The following PHACTR2 variants were observed in gnomAD, a reference collection of about 807,000 sequenced individuals.
PHACTR2 encodes the protein chromosome 6 open reading frame 56.
A neutral mutation model predicts 76.0 loss-of-function variants in PHACTR2; 30 were observed. The ratio of observed to expected loss-of-function variants is 0.39; its 90% CI spans 0.30 to 0.54. PHACTR2 has a LOEUF of 0.54. Ranked by LOEUF, PHACTR2 falls within the 20% of genes least tolerant of loss-of-function variation. The pLI, the probability that PHACTR2 is intolerant of heterozygous loss-of-function variation, is 0.61. For synonymous variants in PHACTR2, 292 were observed against 292.5 expected, an observed-to-expected ratio of 1.00 and a Z score of 0.02; for missense variants, 696 against 781.1, an observed-to-expected ratio of 0.89 and a Z score of 1.30.
At chr6:143,770,971 T>TAG (rs1775087176) in intron 6 of PHACTR2, among the ~76,000 whole-genome samples, 1 of 144,714 alleles carries the variant, frequency 6.9e-6, no homozygotes, top group Non-Finnish European at 1.5e-5. Context: ...TCACCCAGGC[T>TAG]AGAGTCATAT....
chr6:143,705,970 C>T (rs1562276700), intron 1 of PHACTR2, among the ~76,000 whole-genome samples: 1 of 152,244 alleles, frequency 6.6e-6, no homozygotes, highest in Non-Finnish European at 1.5e-5. Context: ...CTTACCTCTT[C>T]TCCCACATTC....
chr6:143,607,565 C>T (rs556590699), upstream of PHACTR2, among the ~76,000 whole-genome samples: 1 of 145,858 alleles, frequency 6.9e-6, no homozygotes, highest in East Asian at 1.9e-4. Context: ...TAGTGACATT[C>T]GGTGAAAATA....
At chr6:143,552,214 A>G (rs1452103968) in intron 1 of PHACTR2, among the ~76,000 whole-genome samples, 2 of 152,164 alleles carry the variant, frequency 1.3e-5, no homozygotes, top group African/African-American at 4.8e-5. Flanking sequence ...TTAGAAGTCT[A>G]GGGAAGAAAG....
At chr6:143,638,595 A>G (rs1243698619) in intron 1 of PHACTR2, among the ~76,000 whole-genome samples, 1 of 150,836 alleles carries the variant, frequency 6.6e-6, no homozygotes, top group East Asian at 1.9e-4. Flanking sequence ...ACACACACAC[A>G]CACACCCAGC....
chr6:143,673,962 T>C (rs964643402), upstream of PHACTR2, among the ~76,000 whole-genome samples: 14 of 152,210 alleles, frequency 9.2e-5, no homozygotes, highest in African/African-American at 3.1e-4. Flanking sequence ...GTTTGTTTCC[T>C]GTTCTAATAC....
intron 1 of PHACTR2, among the ~76,000 whole-genome samples, chr6:143,559,719 T>TGGG (rs1775238311): frequency 1.5e-5 from 1 of 67,228 alleles, no homozygotes; most frequent in Non-Finnish European, 3.6e-5. Context: ...TTTTTTTTTT[T>TGGG]TTTTTTTGGA....
rs1309598087 is a variant in PHACTR2, at chr6:143,775,972, A to C, written c.1590-1356A>C. 6.6e-6 allele frequency among the ~76,000 whole-genome samples: 1 copy of C among 152,160 alleles called. No homozygotes were observed. Among genetic ancestry groups the C allele is most frequent in the African/African-American group, 2.4e-5 (1 of 41,430 alleles). The stretch of plus-strand genomic sequence containing the variant: ...ATGGCGAAATACCGTTTCTACTAAA[A>C]ATACAAATATTAGCCAGCTATGATG... On this transcript the variant is annotated intron_variant, in intron 8 of 12. Coordinates refer to ENST00000440869, the MANE Select transcript of PHACTR2 (RefSeq NM_001100164.2). This position sits in a 1 kb window ranked among gnomAD's most constrained non-coding sequence, Gnocchi z 4.4.
Position 143,738,407 on chromosome 6 carries a change from A to C in PHACTR2, c.215-10578A>C, listed in dbSNP as rs1778867571. 6.6e-6 allele frequency among the ~76,000 whole-genome samples: 1 copy of C among 152,056 alleles called. No homozygotes were observed. Among genetic ancestry groups the C allele is most frequent in the Admixed American group, 6.6e-5 (1 of 15,260 alleles). ...TTTTCATGACCCCCCTGAAAAGATC[A>C]ACCTAAAATATAAAGAATTTCAGCC... On this transcript the variant is annotated intron_variant, in intron 2 of 12. Transcript: ENST00000440869. The surrounding 1 kb of genome is among the most constrained non-coding windows in gnomAD (Gnocchi z 4.0).
intron 2 of PHACTR2, among the ~76,000 whole-genome samples, chr6:143,747,972 C>T (rs1779103784): frequency 6.6e-6 from 1 of 152,170 alleles, no homozygotes. Context: ...AGCCCCATTC[C>T]AAAGTTCTAC....
Position 143,654,720 on chromosome 6 carries a change from C to T in PHACTR2, c.13+46398C>T, listed in dbSNP as rs1447592016. Among the ~76,000 whole-genome samples, 2 of 152,148 alleles carry T rather than the reference C, an allele frequency of 1.3e-5. No homozygotes were observed. Among genetic ancestry groups the T allele is most frequent in the African/African-American group, 4.8e-5 (2 of 41,420 alleles). Reference sequence around the variant, plus strand: ...TTGGGAGGCTGAGGTTGGAGGACTGCTTAAGCCCAGGAGTTCAAGGCTGCA... The same window carrying T: ...TTGGGAGGCTGAGGTTGGAGGACTGTTTAAGCCCAGGAGTTCAAGGCTGCA... On this transcript the variant is annotated intron_variant, in intron 1 of 11. Coordinates refer to the PHACTR2 transcript ENST00000305766. The surrounding 1 kb of genome is among the most constrained non-coding windows in gnomAD (Gnocchi z 4.6).
At chr6:143,620,405 T>G (rs936211243) in intron 1 of PHACTR2, among the ~76,000 whole-genome samples, 1 of 151,480 alleles carries the variant, frequency 6.6e-6, no homozygotes, top group African/African-American at 2.4e-5. Context: ...AATTATGTTT[T>G]CAATGCAGGG....
intron 1 of PHACTR2, among the ~76,000 whole-genome samples, chr6:143,544,258 G>A (rs1056695277): frequency 2.0e-5 from 3 of 152,112 alleles, no homozygotes; most frequent in Non-Finnish European, 4.4e-5. Context: ...GAGTGGGAAG[G>A]AAGGAAGGCG....
Position 143,578,150 on chromosome 6 carries a change from CT to C in PHACTR2, c.217+40945del, listed in dbSNP as rs1186238104. On this transcript the variant is annotated intron_variant, in intron 1 of 11. Coordinates refer to the PHACTR2 transcript ENST00000367584. The surrounding 1 kb of genome is among the most constrained non-coding windows in gnomAD (Gnocchi z 4.5). ...GAAGGAGCTTCATTTACTGTTGTTC[CT>C]TCACAAAGGAACCATTGCAGTCAAG... Among the ~76,000 whole-genome samples the C allele has an allele frequency of 2.0e-5, 3 of 152,168 alleles. No homozygotes were observed. Among genetic ancestry groups the C allele is most frequent in the Non-Finnish European group, 2.9e-5 (2 of 68,026 alleles).
intron 1 of PHACTR2, among the ~76,000 whole-genome samples, chr6:143,615,421 TAAA>T (rs1776044437): frequency 6.6e-6 from 1 of 152,216 alleles, no homozygotes. Context: ...GCAATTTTTT[TAAA>T]AAGCAAATTA....
chr6:143,659,586 C>A lies in PHACTR2; in HGVS notation c.13+51264C>A, dbSNP rs540022602. 8.3e-4 allele frequency among the ~76,000 whole-genome samples: 127 copies of A among 152,346 alleles called. No homozygotes were observed. Among genetic ancestry groups the A allele is most frequent in the African/African-American group, 2.8e-3 (116 of 41,578 alleles). ...GTCCTTTCCATGTGGCAGCTCACAA[C>A]ATGGCAGCTTGCTTCTTTAAAGCCA... On this transcript the variant is annotated intron_variant, in intron 1 of 11. Transcript: ENST00000305766. This position sits in a 1 kb window ranked among gnomAD's most constrained non-coding sequence, Gnocchi z 5.0.
chr6:143,571,637 T>C lies in PHACTR2; in HGVS notation c.217+34430T>C, dbSNP rs1179089024. 6.6e-6 allele frequency among the ~76,000 whole-genome samples: 1 copy of C among 152,120 alleles called. No homozygotes were observed. Among genetic ancestry groups the C allele is most frequent in the Non-Finnish European group, 1.5e-5 (1 of 68,020 alleles). On this transcript the variant is annotated intron_variant, in intron 1 of 11. Coordinates refer to the PHACTR2 transcript ENST00000367584. The surrounding 1 kb of genome is among the most constrained non-coding windows in gnomAD (Gnocchi z 4.6). ...CTATGTTTCCCAGGCCGGTCAATCA[T>C]CACTCATTTTGTTGCCCACATTGTT...
rs532825386 is a variant in PHACTR2, at chr6:143,775,483, A to T, written c.1589+1268A>T. On this transcript the variant is annotated intron_variant, in intron 8 of 12. Coordinates refer to ENST00000440869, the MANE Select transcript of PHACTR2 (RefSeq NM_001100164.2). The surrounding 1 kb of genome is among the most constrained non-coding windows in gnomAD (Gnocchi z 4.4). ...CTAAACTTGCCATCTTACCAAGGAAAAACAAGGGGCCTCTCTGAGGCCCAG... is the reference window on the plus strand; with the variant it reads ...CTAAACTTGCCATCTTACCAAGGAATAACAAGGGGCCTCTCTGAGGCCCAG... Among the ~76,000 whole-genome samples the T allele has an allele frequency of 1.3e-5, 2 of 152,186 alleles. No homozygotes were observed. Among genetic ancestry groups the T allele is most frequent in the Non-Finnish European group, 2.9e-5 (2 of 68,038 alleles).
At chr6:143,637,504 C>T (rs1776480036) in intron 1 of PHACTR2, among the ~76,000 whole-genome samples, 1 of 152,150 alleles carries the variant, frequency 6.6e-6, no homozygotes, top group Non-Finnish European at 1.5e-5. Flanking sequence ...TTCTATGTTG[C>T]ATAACAAATT....
In PHACTR2 at chr6:143,537,971, G is replaced by C. The variant is rs983987499; in HGVS notation, c.217+764G>C. On this transcript the variant is annotated intron_variant, in intron 1 of 11. Coordinates refer to the PHACTR2 transcript ENST00000367584. This position sits in a 1 kb window ranked among gnomAD's most constrained non-coding sequence, Gnocchi z 4.4. ...CTAAAAATACAAAAAATTAGCCGCC[G>C]AGGCGGCGCATGCCTGTAGTCCTAG... Among the ~76,000 whole-genome samples, 3 of 152,202 alleles carry C rather than the reference G, an allele frequency of 2.0e-5. No homozygotes were observed. Among genetic ancestry groups the C allele is most frequent in the Non-Finnish European group, 4.4e-5 (3 of 68,026 alleles).
Sources: allele counts gnomAD v4.1 joint callset (sites outside exome capture counted in the v4.1 genomes callset), GRCh38; gene constraint gnomAD v4.1.1; non-coding constraint Gnocchi (gnomAD v3.1); transcripts MANE v1.5; gene names NCBI Gene and HGNC (gene_info 2026-07-23, HGNC 2026-07-21).